The following FOXK2 variants were observed in gnomAD, a reference collection of about 807,000 sequenced individuals.
The protein encoded by FOXK2 is forkhead box K2.
A neutral mutation model predicts 53.3 loss-of-function variants in FOXK2; 24 were observed. That is an observed-to-expected ratio of 0.45 (90% CI 0.33 to 0.63). The LOEUF (loss-of-function observed/expected upper bound fraction) is 0.63. Among genes scored for constraint, FOXK2 ranks in the 30% least tolerant of loss-of-function variants. The pLI is 0.03. For synonymous variants in FOXK2, 505 were observed against 407.1 expected (o/e 1.24, Z -2.89); for missense variants, 952 against 910.5 (o/e 1.05, Z -0.59).
At chr17:82,561,969 C>T (rs183408158) in intron 1 of FOXK2, among the ~76,000 whole-genome samples, 26 of 152,002 alleles carry the variant, frequency 1.7e-4, no homozygotes, top group Admixed American at 9.2e-4. Flanking sequence ...GCGCCGGGTG[C>T]GCGGATGTGT....
chr17:82,588,072 C>T (rs1305082855), intron 8 of FOXK2, among the ~76,000 whole-genome samples: 2 of 152,160 alleles, frequency 1.3e-5, no homozygotes, highest in African/African-American at 4.8e-5. Context: ...GAACAGAGAC[C>T]TTGAAACCTG....
At chr17:82,596,202 G>C (rs1256205081) in intron 8 of FOXK2, 4 of 991,846 alleles carry the variant, frequency 4.0e-6, no homozygotes, top group Non-Finnish European at 4.8e-6. Flanking sequence ...GTCAGTTCCT[G>C]CTTCGCCTTC....
At chr17:82,535,865 C>T (rs1352455077) in intron 1 of FOXK2, among the ~76,000 whole-genome samples, 1 of 151,776 alleles carries the variant, frequency 6.6e-6, no homozygotes, top group African/African-American at 2.4e-5. Context: ...GCCTCAGCCT[C>T]CCGAGTAGCT....
chr17:82,584,131 G>T lies in FOXK2; in HGVS notation c.1222G>T (p.Ala408Ser). 2 of 1,610,724 alleles carry T rather than the reference G, an allele frequency of 1.2e-6. No homozygotes were observed. Among genetic ancestry groups the T allele is most frequent in the Non-Finnish European group, 1.7e-6 (2 of 1,179,720 alleles). Residue 408 changes from alanine (A) to serine (S), a missense_variant, in exon 6 of 9, where the codon GCT becomes TCT. By Grantham distance (99) the Ala-to-Ser change is moderately conservative. This residue lies in a region of FOXK2 where 551 missense variants were observed against 385.1 expected (regional missense o/e 1.43). Coordinates refer to ENST00000335255, the MANE Select transcript of FOXK2 (RefSeq NM_004514.4). ...GGCCCCCCTGGAGCCTGAGCCTGGC[G>T]CTGCACAGCCCAAACTCGCTGTCAT... ...SPAPLEPEPG[A>S]AQPKLAVIQE...
At chr17:82,545,101 C>T (rs2044612302) in intron 1 of FOXK2, among the ~76,000 whole-genome samples, 1 of 152,140 alleles carries the variant, frequency 6.6e-6, no homozygotes, top group East Asian at 1.9e-4. Context: ...GGAGGGGTTT[C>T]TTAGTTGGTC....
intron 7 of FOXK2, among the ~76,000 whole-genome samples, chr17:82,586,553 G>GAGA (rs2045171710): frequency 6.6e-6 from 1 of 151,220 alleles, no homozygotes; most frequent in Admixed American, 6.6e-5. Context: ...GTAGGCGGAG[G>GAGA]GGAAAGGAGG....
chr17:82,539,134 T>C (rs1330736785), intron 1 of FOXK2, among the ~76,000 whole-genome samples: 2 of 151,496 alleles, frequency 1.3e-5, no homozygotes, highest in Non-Finnish European at 2.9e-5. Context: ...CTCAGCACTG[T>C]AAGGTGGCCG....
At chr17:82,545,891 A>G (rs576195106) in intron 1 of FOXK2, among the ~76,000 whole-genome samples, 15 of 151,994 alleles carry the variant, frequency 9.9e-5, no homozygotes, top group Non-Finnish European at 1.5e-4. Flanking sequence ...CGATGTGTTC[A>G]GCTTTCTTAC....
At position 82,528,061 on chromosome 17, in the gene FOXK2, G is replaced by T. The variant is rs556347979; in HGVS notation, c.419+7754G>T. On this transcript the variant is annotated intron_variant, in intron 1 of 8. Transcript: ENST00000335255. ...AGTCCCCCCACCTCAGTCTGCCAAAGTGCTGGGATTACAGGTGCGAGCCAC... is the reference window on the plus strand; with the variant it reads ...AGTCCCCCCACCTCAGTCTGCCAAATTGCTGGGATTACAGGTGCGAGCCAC... Among the ~76,000 whole-genome samples, 193 of 152,260 alleles carry T rather than the reference G, an allele frequency of 1.3e-3. 2 individuals carry two copies. Among genetic ancestry groups the T allele is most frequent in the South Asian group, 4.1e-4 (2 of 4,828 alleles).
intron 1 of FOXK2, among the ~76,000 whole-genome samples, chr17:82,546,145 C>G (rs79108003): frequency 0.068 from 7,577 of 110,618 alleles, 293 homozygotes; most frequent in East Asian, 0.18. Flanking sequence ...GAGATGGAGT[C>G]TCGCTTGGTC....
chr17:82,525,960 C>CTTATGTGGCCTGAATCCCACACTTTA (rs2044414462), intron 1 of FOXK2, among the ~76,000 whole-genome samples: 2 of 152,152 alleles, frequency 1.3e-5, no homozygotes, highest in African/African-American at 4.8e-5. Context: ...CACTTACTTT[C>CTTATGTGGCCTGAATCCCACACTTTA]TTATGTGGCC....
intron 8 of FOXK2, among the ~76,000 whole-genome samples, chr17:82,590,349 T>C (rs2045240633): frequency 6.6e-6 from 1 of 152,170 alleles, no homozygotes. Context: ...GGAGGTAGTG[T>C]CTCACCATGT....
intron 1 of FOXK2, 40 bp downstream of exon 1, chr17:82,520,347 T>C (rs2044348241): frequency 2.0e-5 from 25 of 1,236,888 alleles, no homozygotes; most frequent in Non-Finnish European, 2.4e-5. Flanking sequence ...GTCTGCGGCC[T>C]GCAGCGCCTG....
intron 1 of FOXK2, among the ~76,000 whole-genome samples, chr17:82,544,530 C>G (rs1269155076): frequency 6.6e-6 from 1 of 152,190 alleles, no homozygotes; most frequent in Non-Finnish European, 1.5e-5. Flanking sequence ...GGTATGATTT[C>G]TTATTCCCAG....
chr17:82,543,014 T>C (rs1026434242), intron 1 of FOXK2, among the ~76,000 whole-genome samples: 19 of 152,250 alleles, frequency 1.2e-4, no homozygotes, highest in African/African-American at 4.3e-4. Flanking sequence ...GAATGAATGG[T>C]CCCTGGTACT....
intron 8 of FOXK2, among the ~76,000 whole-genome samples, chr17:82,598,411 T>TCATC (rs1361439793): frequency 6.6e-6 from 1 of 152,156 alleles, no homozygotes; most frequent in Non-Finnish European, 1.5e-5. Flanking sequence ...ATTCTCTGGG[T>TCATC]CATCCAGTCA....
chr17:82,570,748 G>A (rs2044908659), intron 3 of FOXK2, among the ~76,000 whole-genome samples: 2 of 152,190 alleles, frequency 1.3e-5, no homozygotes, highest in Admixed American at 6.5e-5. Context: ...ATGTTGACAA[G>A]CGTGTTGCCC....
intron 1 of FOXK2, among the ~76,000 whole-genome samples, chr17:82,546,905 C>T (rs1045628705): frequency 1.3e-5 from 2 of 151,810 alleles, no homozygotes; most frequent in African/African-American, 4.8e-5. Context: ...GGTGAAACCC[C>T]GTCTCTACTA....
rs530420584 is a variant in FOXK2, at chr17:82,586,564, A to G, written c.1576+364A>G. ...AAAGGTAGGCGGAGGGGAAAGGAGG[A>G]GAGGCTGCCCCATCAGCCTCACACT... On this transcript the variant is annotated intron_variant, in intron 7 of 8. Coordinates refer to ENST00000335255, the MANE Select transcript of FOXK2 (RefSeq NM_004514.4). Among the ~76,000 whole-genome samples, 12 of 150,626 alleles carry G rather than the reference A, an allele frequency of 8.0e-5. 1 individual carries two copies. The highest frequency in any genetic ancestry group is 2.7e-4 in the African/African-American group (11 of 40,344).
Sources: allele counts gnomAD v4.1 joint callset (sites outside exome capture counted in the v4.1 genomes callset), GRCh38; gene constraint gnomAD v4.1.1; regional missense constraint gnomAD v4.1.1; transcripts MANE v1.5; gene names NCBI Gene and HGNC (gene_info 2026-07-23, HGNC 2026-07-21).